Variants in ITPR1 observed in about 807,000 individuals in gnomAD.
ITPR1 encodes the protein inositol 1,4,5-trisphosphate receptor type 1.
A neutral mutation model predicts 318.4 loss-of-function variants in ITPR1; 96 were observed. The ratio of observed to expected loss-of-function variants is 0.30; its 90% CI spans 0.26 to 0.36. The LOEUF is 0.36. Among genes scored for constraint, ITPR1 ranks in the 10% least tolerant of loss-of-function variants. ITPR1 has a pLI of 1.00. For missense variants in ITPR1, 2,440 were observed against 3,460.2 expected (o/e 0.71, Z 7.40); for synonymous variants, 1,312 against 1,289.9 (o/e 1.02, Z -0.37).
chr3:4,841,651 G>A (rs922095635), intron 61 of ITPR1, among the ~76,000 whole-genome samples: 9 of 152,184 alleles, frequency 5.9e-5, no homozygotes, highest in Non-Finnish European at 1.2e-4. Flanking sequence ...ATTGCTCTGG[G>A]AATGGAGAAA....
At chr3:4,596,610 A>G (rs73104420) in intron 4 of ITPR1, among the ~76,000 whole-genome samples, 2,533 of 152,234 alleles carry the variant, frequency 0.017, 61 homozygotes, top group African/African-American at 0.058. Context: ...TTTTGGTTTG[A>G]GGTCATATGG....
intron 18 of ITPR1, among the ~76,000 whole-genome samples, chr3:4,669,104 G>A (rs1379248041): frequency 6.6e-6 from 1 of 152,208 alleles, no homozygotes; most frequent in Non-Finnish European, 1.5e-5. Flanking sequence ...ATTTTCTGGA[G>A]CCTGCTCAAG....
chr3:4,589,126 C>T (rs2090169546), intron 4 of ITPR1, among the ~76,000 whole-genome samples: 1 of 152,068 alleles, frequency 6.6e-6, no homozygotes, highest in Admixed American at 6.6e-5. Context: ...AGTTTGAGAT[C>T]AGCCTGGGCA....
Position 4,711,744 on chromosome 3 carries a change from T to C in ITPR1, c.4992-13T>C. On this transcript the variant is annotated splice_polypyrimidine_tract_variant and intron_variant, in intron 38 of 61. Transcript: ENST00000649015. ...GCTTCAAGGAAGTAATCCGTGGTTT[T>C]CCCCCCATTCAGGTTAATAAAGCAT... The C allele has an allele frequency of 3.5e-6, 5 of 1,417,764 alleles. No homozygotes were observed. The highest frequency in any genetic ancestry group is 4.9e-6 in the Non-Finnish European group (5 of 1,025,640). 87.8% of individuals were successfully genotyped at this position (1,417,764 alleles called of 1,614,324 possible). A position where few individuals can be genotyped will look rare whatever the true frequency, so the allele number is the denominator to read the frequency against.
intron 54 of ITPR1, among the ~76,000 whole-genome samples, chr3:4,804,587 C>A (rs907556757): frequency 1.3e-5 from 2 of 152,104 alleles, no homozygotes; most frequent in Non-Finnish European, 2.9e-5. Context: ...AAGTGGATCA[C>A]CCTGTTGTTA....
At chr3:4,501,865 G>A (rs1037625123) in intron 2 of ITPR1, among the ~76,000 whole-genome samples, 3 of 152,202 alleles carry the variant, frequency 2.0e-5, no homozygotes, top group Admixed American at 2.0e-4. Flanking sequence ...ATGGGACAAT[G>A]AGGAACTTAT....
At chr3:4,794,976 G>A in intron 52 of ITPR1, 89 bp from the exon 53 acceptor site, 3 of 1,399,242 alleles carry the variant, frequency 2.1e-6, no homozygotes, top group East Asian at 2.4e-5. Context: ...TGGACTTGTG[G>A]GGCAGAGCTG....
At chr3:4,652,893 C>T (rs1022491919) in intron 11 of ITPR1, among the ~76,000 whole-genome samples, 3 of 152,002 alleles carry the variant, frequency 2.0e-5, no homozygotes, top group African/African-American at 7.2e-5. Context: ...GAGGGTGAAG[C>T]AGGAGAATCG....
chr3:4,560,800 G>A (rs2086597015), intron 4 of ITPR1, among the ~76,000 whole-genome samples: 1 of 152,216 alleles, frequency 6.6e-6, no homozygotes, highest in Admixed American at 6.5e-5. Context: ...AGAGGTGACA[G>A]CGACTTATTA....
chr3:4,651,106 A>G (rs1436129694), intron 10 of ITPR1, among the ~76,000 whole-genome samples: 2 of 152,184 alleles, frequency 1.3e-5, no homozygotes, highest in Non-Finnish European at 1.5e-5. Context: ...AGGGTGTTCC[A>G]CATGATCCCT....
intron 2 of ITPR1, among the ~76,000 whole-genome samples, chr3:4,501,393 G>C (rs1173021102): frequency 1.3e-5 from 2 of 152,198 alleles, no homozygotes; most frequent in Admixed American, 6.5e-5. Flanking sequence ...CAGCGTTACT[G>C]ACATTAACTG....
In ITPR1 at chr3:4,812,372, A is replaced by C. The variant is rs574259115; in HGVS notation, c.7469-770A>C. On this transcript the variant is annotated intron_variant, in intron 56 of 61. Coordinates refer to ENST00000649015, the MANE Select transcript of ITPR1 (RefSeq NM_001378452.1). ...CTTAAAAATTAAAAAGCCCATATAC[A>C]TATATTAAAACATGGATGACTGTAC... Among the ~76,000 whole-genome samples, 22 of 152,304 alleles carry C rather than the reference A, an allele frequency of 1.4e-4. No individual in the cohort carries two copies. In the South Asian group the frequency reaches 4.3e-3, roughly 30 times the overall value.
intron 37 of ITPR1, 32 bp downstream of exon 37, chr3:4,706,383 A>G (rs1574947414): frequency 6.4e-7 from 1 of 1,567,242 alleles, no homozygotes. Flanking sequence ...AGTGATGCTT[A>G]GCCTGGCCTC....
chr3:4,511,962 G>T (rs2081860945), intron 2 of ITPR1, among the ~76,000 whole-genome samples: 5 of 152,154 alleles, frequency 3.3e-5, no homozygotes, highest in Admixed American at 3.3e-4. Flanking sequence ...GCTATCCTTT[G>T]TGGGGCTAAG....
chr3:4,822,190 TGGCAGGTGGGA>T (rs1422494793), intron 60 of ITPR1, among the ~76,000 whole-genome samples: 1 of 152,162 alleles, frequency 6.6e-6, no homozygotes, highest in Non-Finnish European at 1.5e-5. Context: ...AAATGAGACC[TGGCAGGTGGGA>T]GGCATGCACA....
chr3:4,614,420 T>C (rs933695780), intron 4 of ITPR1, among the ~76,000 whole-genome samples: 6 of 152,258 alleles, frequency 3.9e-5, no homozygotes, highest in African/African-American at 1.4e-4. Context: ...ATTTATTGAA[T>C]GTTTACTCTG....
At chr3:4,525,896 G>T (rs1314799283) in intron 4 of ITPR1, among the ~76,000 whole-genome samples, 1 of 152,192 alleles carries the variant, frequency 6.6e-6, no homozygotes, top group Non-Finnish European at 1.5e-5. Flanking sequence ...ACAAAGAAAA[G>T]GTGGAAACTA....
chr3:4,730,969 C>G (rs990534193), intron 42 of ITPR1, among the ~76,000 whole-genome samples: 7 of 152,190 alleles, frequency 4.6e-5, no homozygotes, highest in African/African-American at 1.7e-4. Flanking sequence ...CAAAGGGGAT[C>G]CAGTCAGAGA....
intron 12 of ITPR1, among the ~76,000 whole-genome samples, chr3:4,654,111 T>G (rs2093654104): frequency 6.6e-6 from 1 of 152,204 alleles, no homozygotes. Context: ...TTTCCATGTG[T>G]AGTAACGGGG....
Sources: allele counts gnomAD v4.1 joint callset (sites outside exome capture counted in the v4.1 genomes callset), GRCh38; gene constraint gnomAD v4.1.1; transcripts MANE v1.5; gene names NCBI Gene and HGNC (gene_info 2026-07-23, HGNC 2026-07-21).